Variants in PHF20L1 observed in about 807,000 individuals in gnomAD.
PHF20L1 encodes PHD finger protein 20-like protein 1.
In PHF20L1, 44 loss-of-function variants were observed where a neutral mutation model predicts 125.5. That is an observed-to-expected ratio of 0.35 (90% CI 0.28 to 0.45). The LOEUF is 0.45. Ranked by LOEUF, PHF20L1 falls within the 20% of genes least tolerant of loss-of-function variation. The probability of loss-of-function intolerance (pLI) is 1.00; values close to 1 mark genes in which losing one functional copy is unlikely to be tolerated. For synonymous variants in PHF20L1, 380 were observed against 403.1 expected (o/e 0.94, Z 0.69); for missense variants, 1,012 against 1,217.2 (o/e 0.83, Z 2.51).
In PHF20L1 at chr8:132,775,548, G is replaced by T. The variant is rs1337842467; in HGVS notation, c.-135G>T. ...CCTGCTCCCTCCCCGGCCGCTGCCT[G>T]GGCGGAGGCAGAGGCAGAGGCCCGG... On this transcript the variant is annotated 5_prime_UTR_variant, in exon 1 of 21. Transcript: ENST00000395386. 5.4e-6 allele frequency: 2 copies of T among 367,960 alleles called. No individual in the cohort carries two copies. The highest frequency in any genetic ancestry group is 9.7e-6 in the Non-Finnish European group (2 of 206,200). The allele number at this position is 367,960 out of a possible 1,614,324, so 22.8% of individuals were successfully genotyped here.
At chr8:132,793,306 T>C (rs751578162) in intron 2 of PHF20L1, among the ~76,000 whole-genome samples, 1 of 152,162 alleles carries the variant, frequency 6.6e-6, no homozygotes, top group Non-Finnish European at 1.5e-5. Context: ...TGGGGTTGAA[T>C]GTCAAAAGAT....
chr8:132,832,099 T>C, intron 14 of PHF20L1, 136 bp from the exon 15 acceptor site: 2 of 636,058 alleles, frequency 3.1e-6, no homozygotes, highest in Non-Finnish European at 2.8e-6. Flanking sequence ...GATCCATATG[T>C]AGCTTTTCAT....
rs184753846 is a variant in PHF20L1, at chr8:132,823,196, G to A, written c.1580-808G>A. ...ATATATAGAACAAAAGTGGTTTGCA[G>A]AACAGTTTTATTTTGGCTATTATCA... On this transcript the variant is annotated intron_variant, in intron 12 of 20. Transcript: ENST00000395386. Among the ~76,000 whole-genome samples the A allele has an allele frequency of 7.2e-5, 11 of 152,044 alleles. No individual in the cohort carries two copies. In the South Asian group the frequency reaches 1.4e-3, roughly 20 times the overall value.
chr8:132,803,495 A>G, intron 6 of PHF20L1: 1 of 218,742 alleles, frequency 4.6e-6, no homozygotes, highest in Non-Finnish European at 9.0e-6. Flanking sequence ...TAAAATACTA[A>G]GGTAGAATGT....
rs879136379 is a variant in PHF20L1, at chr8:132,839,250, C to T, written c.2192-137C>T. On this transcript the variant is annotated intron_variant, in intron 17 of 20. Coordinates refer to ENST00000395386, the MANE Select transcript of PHF20L1 (RefSeq NM_016018.5). The stretch of plus-strand genomic sequence containing the variant: ...CTCTTCCTGCACCAGTTCCTCAGAA[C>T]GCTGTCTTACTCTTTTTGAATCTGC... 74 of 665,320 alleles carry T rather than the reference C, an allele frequency of 1.1e-4. 2 individuals carry two copies. In the Middle Eastern group the frequency reaches 2.1e-3, roughly 19 times the overall value. 41.2% of individuals were successfully genotyped at this position (665,320 alleles called of 1,614,324 possible).
At chr8:132,821,556 A>C (rs1299932681) in intron 12 of PHF20L1, among the ~76,000 whole-genome samples, 1 of 151,976 alleles carries the variant, frequency 6.6e-6, no homozygotes, top group African/African-American at 2.4e-5. Flanking sequence ...ACAAAACTAC[A>C]GCTGGAGACT....
At chr8:132,832,742 C>T (rs977924246) in intron 15 of PHF20L1, among the ~76,000 whole-genome samples, 7 of 152,046 alleles carry the variant, frequency 4.6e-5, no homozygotes, top group Non-Finnish European at 7.4e-5. Flanking sequence ...AGTAGCTTTT[C>T]GGCTTAGCTA....
In PHF20L1 at chr8:132,816,024, T is replaced by C. The variant is rs532312980; in HGVS notation, c.1184-864T>C. ...TATCAGCATGTCTTTTTCGTTTTGATTGTAAAATTACTCTTAAATACCCAA... is the reference window on the plus strand; with the variant it reads ...TATCAGCATGTCTTTTTCGTTTTGACTGTAAAATTACTCTTAAATACCCAA... On this transcript the variant is annotated intron_variant, in intron 10 of 20. Transcript: ENST00000395386. The C allele has an allele frequency of 7.2e-5, 11 of 152,038 alleles. No individual in the cohort carries two copies. In the East Asian group the frequency reaches 1.2e-3, roughly 16 times the overall value. The allele number at this position is 152,038 out of a possible 1,614,324, so 9.4% of individuals were successfully genotyped here.
chr8:132,784,399 A>G (rs1302329451), intron 2 of PHF20L1, among the ~76,000 whole-genome samples: 1 of 152,174 alleles, frequency 6.6e-6, no homozygotes, highest in Non-Finnish European at 1.5e-5. Flanking sequence ...CTCTGCTTTA[A>G]TGACCTTGAA....
At chr8:132,827,559 TACAAA>T (rs1836321188) in intron 14 of PHF20L1, among the ~76,000 whole-genome samples, 1 of 151,934 alleles carries the variant, frequency 6.6e-6, no homozygotes, top group Admixed American at 6.6e-5. Flanking sequence ...CAGCAGCTGA[TACAAA>T]ACAAAATAAG....
At chr8:132,816,270 ATCT>A in intron 10 of PHF20L1, 1 of 151,906 alleles carries the variant, frequency 6.6e-6, no homozygotes, top group South Asian at 2.1e-4. Context: ...CAATGTCATA[ATCT>A]TAAATATCCT....
At chr8:132,825,027 AC>A in intron 13 of PHF20L1, 1 of 1,434,612 alleles carries the variant, frequency 7.0e-7, no homozygotes, top group Non-Finnish European at 9.4e-7. Flanking sequence ...GTCTGTGTTA[AC>A]TTTAAGGTAT....
In PHF20L1 at chr8:132,775,422, G is replaced by GGCGATGGCA. The variant is rs1829561008; in HGVS notation, c.-257_-249dup. 5.2e-6 allele frequency: 2 copies of GGCGATGGCA among 385,396 alleles called. No individual in the cohort carries two copies. The highest frequency in any genetic ancestry group is 1.3e-4 in the South Asian group (1 of 7,886). 23.9% of individuals were successfully genotyped at this position (385,396 alleles called of 1,614,324 possible). ...CGGCGGCGGAGGCGGCGGCGGCGGC[G>GGCGATGGCA]GCGATGGCAGCGGACCCTGAGCGAG... On this transcript the variant is annotated 5_prime_UTR_variant, in exon 1 of 21. The change creates a new upstream start codon in the 5' untranslated region. Coordinates refer to ENST00000395386, the MANE Select transcript of PHF20L1 (RefSeq NM_016018.5).
intron 4 of PHF20L1, among the ~76,000 whole-genome samples, chr8:132,796,559 T>C (rs1486715167): frequency 6.6e-6 from 1 of 152,142 alleles, no homozygotes; most frequent in Non-Finnish European, 1.5e-5. Context: ...ATTGTCTTAA[T>C]GAATTGAAAT....
At chr8:132,801,478 T>C (rs1833037905) in intron 6 of PHF20L1, among the ~76,000 whole-genome samples, 1 of 151,754 alleles carries the variant, frequency 6.6e-6, no homozygotes, top group South Asian at 2.1e-4. Flanking sequence ...TTTAATGCAA[T>C]ATTCTATTAT....
intron 9 of PHF20L1, chr8:132,812,010 TA>T: frequency 2.0e-6 from 2 of 983,802 alleles, no homozygotes; most frequent in Non-Finnish European, 1.2e-6. Context: ...AGGGTTATTT[TA>T]GGCCTGATTT....
At position 132,845,991 on chromosome 8, in the gene PHF20L1, G is replaced by A. The variant is rs1023652553; in HGVS notation, c.*68G>A. 3.6e-5 allele frequency: 43 copies of A among 1,182,634 alleles called. No individual in the cohort carries two copies. In the East Asian group the frequency reaches 8.4e-4, roughly 23 times the overall value. The allele number at this position is 1,182,634 out of a possible 1,614,324, so 73.3% of individuals were successfully genotyped here. On this transcript the variant is annotated 3_prime_UTR_variant, in exon 21 of 21. Coordinates refer to ENST00000395386, the MANE Select transcript of PHF20L1 (RefSeq NM_016018.5). ...AAAGCATTTTTATTATCCACGTGAT[G>A]GCTAAGTGGATAATTTAAAAGCTTA...
rs72725181 is a variant in PHF20L1, at chr8:132,801,830, T to C, written c.508-1989T>C. 8.1e-3 allele frequency among the ~76,000 whole-genome samples: 1,226 copies of C among 151,832 alleles called. 19 individuals carry two copies. Among genetic ancestry groups the C allele is most frequent in the Non-Finnish European group, 0.014 (961 of 67,754 alleles). ...TCTTTAATCACAGAGCTACAGTGAT[T>C]CCCATGCAAGTCATATGATTGAAAA... On this transcript the variant is annotated intron_variant, in intron 6 of 20. Transcript: ENST00000395386.
intron 15 of PHF20L1, among the ~76,000 whole-genome samples, chr8:132,832,773 A>G (rs916244259): frequency 6.6e-6 from 1 of 152,112 alleles, no homozygotes; most frequent in Non-Finnish European, 1.5e-5. Flanking sequence ...TAAAACTCTA[A>G]CCAAGGTCTG....
Sources: gnomAD v4.1 joint callset for allele counts (sites outside exome capture counted in the v4.1 genomes callset) on GRCh38, gnomAD v4.1.1 for gene constraint, MANE v1.5 for transcripts, NCBI Gene and HGNC (gene_info 2026-07-23, HGNC 2026-07-21) for gene names.